Variants in PKP4 observed in about 807,000 individuals in gnomAD.
PKP4 encodes the protein plakophilin-4.
Under a neutral mutation model 145.1 loss-of-function variants are expected in PKP4, and 90 were observed. The ratio of observed to expected loss-of-function variants is 0.62; its 90% CI spans 0.52 to 0.74. The LOEUF is 0.74. Among genes scored for constraint, PKP4 ranks in the 30% least tolerant of loss-of-function variants. PKP4 has a pLI of 0.00. For missense variants in PKP4, 1,340 were observed against 1,482.7 expected (o/e 0.90, Z 1.58); for synonymous variants, 563 against 577.2 (o/e 0.98, Z 0.35).
intron 15 of PKP4, among the ~76,000 whole-genome samples, chr2:158,664,314 A>C (rs938068151): frequency 1.3e-5 from 2 of 152,186 alleles, no homozygotes; most frequent in Non-Finnish European, 2.9e-5. Flanking sequence ...CCTGTGTCTA[A>C]GGTTTCTGCA....
At chr2:158,472,083 G>A (rs1691658216) in intron 1 of PKP4, among the ~76,000 whole-genome samples, 1 of 152,164 alleles carries the variant, frequency 6.6e-6, no homozygotes, top group Non-Finnish European at 1.5e-5. Context: ...ATGAGATCAA[G>A]GAATCTATTG....
intron 1 of PKP4, among the ~76,000 whole-genome samples, chr2:158,478,221 T>G (rs1692794784): frequency 6.6e-6 from 1 of 151,970 alleles, no homozygotes; most frequent in Admixed American, 6.6e-5. Context: ...AGATTTTTTT[T>G]TTGATTAGGG....
chr2:158,560,339 T>C (rs1241989809), intron 2 of PKP4, among the ~76,000 whole-genome samples: 1 of 152,196 alleles, frequency 6.6e-6, no homozygotes, highest in African/African-American at 2.4e-5. Context: ...TCATTTGTCA[T>C]GAGTGGTGCT....
At chr2:158,548,974 A>G (rs1180821795) in intron 2 of PKP4, 2 of 172,398 alleles carry the variant, frequency 1.2e-5, no homozygotes, top group Non-Finnish European at 2.5e-5. Flanking sequence ...TGACTGCATT[A>G]TCAAGGGGAA....
At chr2:158,620,438 A>G (rs1204661178) in intron 4 of PKP4, among the ~76,000 whole-genome samples, 1 of 152,216 alleles carries the variant, frequency 6.6e-6, no homozygotes, top group African/African-American at 2.4e-5. Context: ...CCTTTAAAAA[A>G]GGCTAAAGGA....
chr2:158,658,480 G>T, intron 12 of PKP4, 166 bp downstream of exon 12: 1 of 540,226 alleles, frequency 1.9e-6, no homozygotes. Context: ...AACATCGTGA[G>T]CACAGACTTG....
Position 158,577,396 on chromosome 2 carries a change from T to C in PKP4, c.245+13T>C. 6.5e-7 allele frequency: 1 copy of C among 1,529,326 alleles called. No individual in the cohort carries two copies. Among genetic ancestry groups the C allele is most frequent in the South Asian group, 1.1e-5 (1 of 88,344 alleles). 94.7% of individuals were successfully genotyped at this position (1,529,326 alleles called of 1,614,324 possible). ...TCGCCAGCACCAGGTACAGGGCCAA[T>C]GGCTCCATCTTTATGCACACTCAAG... On this transcript the variant is annotated intron_variant, in intron 3 of 21. Transcript: ENST00000389759.
chr2:158,475,012 A>G lies in PKP4; in HGVS notation c.-6+17794A>G, dbSNP rs1054077980. ...CAGGTAAGCAAGTCCAACCTTGGAG[A>G]TGCCTTTCCTTCCTTAGATTTCAGG... On this transcript the variant is annotated intron_variant, in intron 1 of 21. Coordinates refer to ENST00000389759, the MANE Select transcript of PKP4 (RefSeq NM_003628.6). Among the ~76,000 whole-genome samples the G allele has an allele frequency of 3.9e-5, 6 of 152,300 alleles. No individual in the cohort carries two copies. The East Asian group carries it at 1.2e-3, about 29-fold the overall frequency.
chr2:158,645,277 T>TA lies in PKP4; in HGVS notation c.1909+2579dup, dbSNP rs2054715664. Among the ~76,000 whole-genome samples, 6 of 152,344 alleles carry TA rather than the reference T, an allele frequency of 3.9e-5. No individual in the cohort carries two copies. In the South Asian group the frequency reaches 1.2e-3, roughly 32 times the overall value. ...AAAACAAATTATAATTATTTTTGTT[T>TA]ACGTGTACATGTAGATATAAAATGA... On this transcript the variant is annotated intron_variant, in intron 11 of 21. Coordinates refer to ENST00000389759, the MANE Select transcript of PKP4 (RefSeq NM_003628.6).
intron 11 of PKP4, among the ~76,000 whole-genome samples, chr2:158,650,948 C>T (rs2055307203): frequency 6.6e-6 from 1 of 152,206 alleles, no homozygotes; most frequent in Admixed American, 6.5e-5. Flanking sequence ...CCAGGAGCCT[C>T]ACTGCATGGA....
intron 16 of PKP4, 24 bp from the exon 17 acceptor site, chr2:158,669,696 A>C (rs756886953): frequency 6.6e-7 from 1 of 1,506,494 alleles, no homozygotes; most frequent in Admixed American, 2.1e-5. Flanking sequence ...CTGGAAGTAG[A>C]ATTTACTCTT....
chr2:158,678,367 A>ATAGTT (rs1445724994), intron 20 of PKP4, among the ~76,000 whole-genome samples: 1 of 152,102 alleles, frequency 6.6e-6, no homozygotes, highest in Non-Finnish European at 1.5e-5. Context: ...TGTTTCTGCC[A>ATAGTT]TAGTTTTGCC....
chr2:158,652,516 T>A (rs1489331723), intron 11 of PKP4, among the ~76,000 whole-genome samples: 2 of 152,166 alleles, frequency 1.3e-5, no homozygotes, highest in African/African-American at 4.8e-5. Flanking sequence ...AATGAAGATG[T>A]GTGTTTGCTA....
intron 17 of PKP4, among the ~76,000 whole-genome samples, chr2:158,672,906 T>C (rs2057692718): frequency 6.6e-6 from 1 of 152,138 alleles, no homozygotes; most frequent in African/African-American, 2.4e-5. Flanking sequence ...GAAGTCAAAC[T>C]GTCAAAGGAG....
At chr2:158,655,005 A>G (rs1426064983) in intron 11 of PKP4, among the ~76,000 whole-genome samples, 2 of 152,178 alleles carry the variant, frequency 1.3e-5, no homozygotes, top group African/African-American at 4.8e-5. Context: ...ATAAATGTTC[A>G]TCTTTTTTTA....
intron 1 of PKP4, among the ~76,000 whole-genome samples, chr2:158,532,795 A>G (rs184614281): frequency 6.6e-6 from 1 of 152,352 alleles, no homozygotes; most frequent in Non-Finnish European, 1.5e-5. Context: ...TTAATATGTT[A>G]TATTTCTTTT....
intron 14 of PKP4, 67 bp downstream of exon 14, chr2:158,663,155 G>C (rs2056762412): frequency 6.6e-7 from 1 of 1,513,004 alleles, no homozygotes; most frequent in African/African-American, 1.4e-5. Flanking sequence ...TCACATATTT[G>C]GCAAGAAAAT....
chr2:158,584,147 G>A (rs898825777), intron 3 of PKP4, among the ~76,000 whole-genome samples: 4 of 152,216 alleles, frequency 2.6e-5, no homozygotes, highest in South Asian at 4.1e-4. Context: ...TGAGGCTCCG[G>A]CTCCGAGGCC....
intron 3 of PKP4, among the ~76,000 whole-genome samples, chr2:158,594,231 G>C (rs149572530): frequency 6.6e-6 from 1 of 152,188 alleles, no homozygotes; most frequent in East Asian, 1.9e-4. Context: ...TGTTGCTGAT[G>C]GGTCAGGAAC....
Sources: allele counts gnomAD v4.1 joint callset (sites outside exome capture counted in the v4.1 genomes callset), GRCh38; gene constraint gnomAD v4.1.1; transcripts MANE v1.5; gene names NCBI Gene and HGNC (gene_info 2026-07-23, HGNC 2026-07-21).